The following GCSAML variants were observed in gnomAD, a reference collection of about 807,000 sequenced individuals.
GCSAML encodes germinal center associated signaling and motility like.
Under a neutral mutation model 13.0 loss-of-function variants are expected in GCSAML, and 9 were observed. The observed-to-expected ratio is 0.69, with a 90% CI of 0.42 to 1.21. The LOEUF is 1.21. GCSAML is among the 50% of genes most tolerant of loss of function. The probability of loss-of-function intolerance (pLI) is 0.00; values close to 1 mark genes in which losing one functional copy is unlikely to be tolerated. For synonymous variants in GCSAML, 37 were observed against 52.9 expected (o/e 0.70, Z 1.31); for missense variants, 143 against 153.4 (o/e 0.93, Z 0.36).
rs191661817 is a variant in GCSAML, at chr1:247,575,580, T to C, written c.*1198T>C. On this transcript the variant is annotated 3_prime_UTR_variant, in exon 5 of 5. Coordinates refer to ENST00000366488, the MANE Select transcript of GCSAML (RefSeq NM_145278.5). ...GTAATAGTTCAAAAATTAATAGTTT[T>C]TGACATTGGCTTTTCTGAGAAGAGA... The C allele has an allele frequency of 6.6e-6, 1 of 152,346 alleles. No homozygotes were observed. The highest frequency in any genetic ancestry group is 6.5e-5 in the Admixed American group (1 of 15,292). The allele number at this position is 152,346 out of a possible 1,614,324, so 9.4% of individuals were successfully genotyped here. A position where few individuals can be genotyped will look rare whatever the true frequency, so the allele number is the denominator to read the frequency against.
intron 1 of GCSAML, among the ~76,000 whole-genome samples, chr1:247,521,528 C>T (rs1044173943): frequency 8.5e-5 from 13 of 152,152 alleles, no homozygotes; most frequent in South Asian, 2.1e-4. Context: ...TTGCAGGGGG[C>T]GCCACGACGC....
At chr1:247,539,538 T>C (rs1440381908) in intron 2 of GCSAML, among the ~76,000 whole-genome samples, 1 of 152,168 alleles carries the variant, frequency 6.6e-6, no homozygotes, top group Non-Finnish European at 1.5e-5. Flanking sequence ...TATATATTGC[T>C]TAGCTACGTG....
Position 247,549,183 on chromosome 1 carries a change from T to A in GCSAML, c.-9T>A. ...CTCAGGAGCTGAGAAACCGAGTCAC[T>A]GTGAAAAGATGGGAAATTATCTCCT... On this transcript the variant is annotated 5_prime_UTR_variant, in exon 1 of 5. Coordinates refer to ENST00000366488, the MANE Select transcript of GCSAML (RefSeq NM_145278.5). 1.9e-6 allele frequency: 3 copies of A among 1,614,092 alleles called. No homozygotes were observed. The highest frequency in any genetic ancestry group is 2.5e-6 in the Non-Finnish European group (3 of 1,179,992).
intron 2 of GCSAML, chr1:247,532,053 A>AC (rs745467477): frequency 1.7e-5 from 28 of 1,613,604 alleles, no homozygotes; most frequent in African/African-American, 1.3e-4. Context: ...TGGTGGTCAG[A>AC]CCCCCCAGCC....
chr1:247,512,316 G>T (rs531778108), intron 1 of GCSAML, among the ~76,000 whole-genome samples: 1 of 151,770 alleles, frequency 6.6e-6, no homozygotes, highest in Admixed American at 6.6e-5. Flanking sequence ...TGATACTTGT[G>T]TATGCTTCAA....
intron 1 of GCSAML, among the ~76,000 whole-genome samples, chr1:247,522,280 CTGTCCGGG>C (rs1666472944): frequency 9.5e-6 from 1 of 105,588 alleles, no homozygotes. Context: ...GCTAGCCGCC[CTGTCCGGG>C]AGGGAGGTGG....
chr1:247,560,775 T>G (rs1211230132), intron 2 of GCSAML, among the ~76,000 whole-genome samples: 1 of 152,170 alleles, frequency 6.6e-6, no homozygotes. Context: ...TGAGAATGCT[T>G]GAGATCCACT....
intron 1 of GCSAML, 138 bp downstream of exon 1, chr1:247,549,358 A>G (rs1667691127): frequency 1.5e-6 from 1 of 651,096 alleles, no homozygotes; most frequent in Admixed American, 2.8e-5. Flanking sequence ...CTCTAGGAGC[A>G]CACAGTGACG....
chr1:247,514,426 C>T (rs188504187), intron 1 of GCSAML, among the ~76,000 whole-genome samples: 8 of 152,166 alleles, frequency 5.3e-5, no homozygotes, highest in African/African-American at 1.9e-4. Context: ...TGTCAGTTGT[C>T]TGTTAACTCT....
rs187018144 is a variant in GCSAML at position 247,514,791 on chromosome 1, G to A, written c.-263+7558G>A. Among the ~76,000 whole-genome samples, 12 of 152,218 alleles carry A rather than the reference G, an allele frequency of 7.9e-5. No homozygotes were observed. The East Asian group carries it at 2.1e-3, about 27-fold the overall frequency. ...ATTGACTGTATTTAGCTTTAATTACGGTTTCTTTATTCTGTTCCATTGGTC... is the reference window on the plus strand; with the variant it reads ...ATTGACTGTATTTAGCTTTAATTACAGTTTCTTTATTCTGTTCCATTGGTC... On this transcript the variant is annotated intron_variant, in intron 1 of 5. Coordinates refer to the GCSAML transcript ENST00000366489.
chr1:247,516,715 G>C (rs1666224499), intron 1 of GCSAML, among the ~76,000 whole-genome samples: 1 of 152,122 alleles, frequency 6.6e-6, no homozygotes, highest in Non-Finnish European at 1.5e-5. Flanking sequence ...GAAAACAAGA[G>C]GGATGCATTT....
chr1:247,563,681 C>A, intron 3 of GCSAML, 42 bp downstream of exon 3: 1 of 1,115,266 alleles, frequency 9.0e-7, no homozygotes, highest in Non-Finnish European at 1.4e-6. Context: ...TAGGGAAGTG[C>A]AAATTTAAGC....
chr1:247,542,185 A>T (rs546802967), intron 2 of GCSAML, among the ~76,000 whole-genome samples: 19 of 152,318 alleles, frequency 1.2e-4, no homozygotes, highest in African/African-American at 4.6e-4. Context: ...CTGAGGCAGG[A>T]GGATCATTTG....
At chr1:247,513,398 T>C (rs1300894934) in intron 1 of GCSAML, among the ~76,000 whole-genome samples, 1 of 152,224 alleles carries the variant, frequency 6.6e-6, no homozygotes. Context: ...CAGACTGCTG[T>C]ACTGGCAGTG....
At chr1:247,509,220 A>T (rs983175884) in intron 1 of GCSAML, among the ~76,000 whole-genome samples, 1 of 152,136 alleles carries the variant, frequency 6.6e-6, no homozygotes, top group Non-Finnish European at 1.5e-5. Context: ...GAGGTCCTTC[A>T]CATCTCTTCT....
At chr1:247,537,753 ATGTTGTGCATTT>A (rs1202551227) in intron 2 of GCSAML, among the ~76,000 whole-genome samples, 2 of 152,036 alleles carry the variant, frequency 1.3e-5, no homozygotes, top group African/African-American at 4.8e-5. Flanking sequence ...GCAGCTAATA[ATGTTGTGCATTT>A]TTTAATGTGC....
At chr1:247,540,594 G>A (rs7550873) in intron 2 of GCSAML, among the ~76,000 whole-genome samples, 7,784 of 152,252 alleles carry the variant, frequency 0.051, 636 homozygotes, top group African/African-American at 0.17. Flanking sequence ...CCCAGTTTCC[G>A]AGCATGGGCA....
intron 1 of GCSAML, among the ~76,000 whole-genome samples, chr1:247,515,032 C>T (rs193130381): frequency 6.6e-6 from 1 of 152,238 alleles, no homozygotes; most frequent in East Asian, 1.9e-4. Flanking sequence ...TTGCATTGAA[C>T]TTGTAGACTG....
In GCSAML at chr1:247,574,419, G is replaced by A; in HGVS notation, c.*37G>A. 1 of 1,608,006 alleles carries A rather than the reference G, an allele frequency of 6.2e-7. No individual in the cohort carries two copies. The highest frequency in any genetic ancestry group is 8.5e-7 in the Non-Finnish European group (1 of 1,176,772). On this transcript the variant is annotated 3_prime_UTR_variant, in exon 5 of 5. Transcript: ENST00000366488. ...TGCTTTATCACCTTCCAGCAATGAA[G>A]ACAATGCAGAATAGCAGACTCTGGC... is the stretch of plus-strand genomic sequence containing the variant.
Sources: allele counts gnomAD v4.1 joint callset (sites outside exome capture counted in the v4.1 genomes callset), GRCh38; gene constraint gnomAD v4.1.1; transcripts MANE v1.5; gene names NCBI Gene and HGNC (gene_info 2026-07-23, HGNC 2026-07-21).